Variants in TMED4 observed in about 807,000 individuals in gnomAD.
The protein encoded by TMED4 is transmembrane emp24 domain-containing protein 4.
In TMED4, 19 loss-of-function variants were observed where a neutral mutation model predicts 26.5. That is an observed-to-expected ratio of 0.72 (90% CI 0.50 to 1.05). The LOEUF is 1.05. TMED4 is among the 50% of genes least tolerant of loss of function. The pLI, the probability that TMED4 is intolerant of heterozygous loss-of-function variation, is 0.00. For missense variants in TMED4, 303 were observed against 302.5 expected (o/e 1.00, Z -0.01); for synonymous variants, 121 against 119.8 (o/e 1.01, Z -0.07).
At chr7:44,580,856 A>G (rs1802964059) in intron 4 of TMED4, 2 of 425,686 alleles carry the variant, frequency 4.7e-6, no homozygotes, top group Admixed American at 3.9e-5. Flanking sequence ...CTGAGGCAGG[A>G]GAATCGCTTG....
At chr7:44,579,653 G>A in intron 4 of TMED4, 25 bp from the exon 5 acceptor site, 2 of 1,601,242 alleles carry the variant, frequency 1.2e-6, no homozygotes, top group Non-Finnish European at 1.7e-6. Context: ...ACAGGGTTAA[G>A]TGAGCAGGAG....
At chr7:44,581,958 G>T in intron 1 of TMED4, 89 bp downstream of exon 1, 1 of 1,528,626 alleles carries the variant, frequency 6.5e-7, no homozygotes, top group Non-Finnish European at 8.8e-7. Flanking sequence ...TACTGGGGGA[G>T]CCAGCGACCC....
In TMED4 at chr7:44,582,175, G is replaced by A. The variant is rs1263350521; in HGVS notation, c.32C>T (p.Ala11Val). The A allele has an allele frequency of 3.9e-6, 6 of 1,547,506 alleles. No individual in the cohort carries two copies. The highest frequency in any genetic ancestry group is 1.2e-5 in the South Asian group (1 of 84,032). The change falls in exon 1 of 5, where the codon GCG (alanine) becomes GTG (valine). Residue 11 changes from alanine to valine, a missense_variant. Transcript: ENST00000457408. MAGVGAGPLR[A>V]MGRQALLLLA... ...AAGCAGCAGGGCCTGCCGCCCCATC[G>A]CCCGCAGAGGCCCAGCCCCGACACC...
chr7:44,581,218 C>T lies in TMED4; in HGVS notation c.409G>A (p.Val137Ile), dbSNP rs969305783. 1.2e-6 allele frequency: 2 copies of T among 1,614,012 alleles called. No individual in the cohort carries two copies. The highest frequency in any genetic ancestry group is 1.7e-6 in the Non-Finnish European group (2 of 1,180,040). Residue 137 changes from valine to isoleucine, a missense_variant, in exon 4 of 5, where the codon GTT (valine) becomes ATT (isoleucine). Physicochemically the swap from Val to Ile is conservative, Grantham distance 29. Coordinates refer to ENST00000457408, the MANE Select transcript of TMED4 (RefSeq NM_182547.4). The stretch of plus-strand genomic sequence containing the variant: ...GGGTAGTTGTTGGCATGCTCCCCAA[C>T]CTGGATGTCGAGATGCACCCGCTAC... ...GKLRVHLDIQVGEHANNYPEI... is the reference protein window; with the variant it reads ...GKLRVHLDIQIGEHANNYPEI...
intron 3 of TMED4, 54 bp from the exon 4 acceptor site, chr7:44,581,293 G>C: frequency 1.9e-6 from 3 of 1,607,406 alleles, no homozygotes; most frequent in South Asian, 2.2e-5. Context: ...GTCTGTTCCA[G>C]GGTATGGAAC....
chr7:44,579,724 C>T, intron 4 of TMED4, 96 bp from the exon 5 acceptor site: 1 of 1,358,832 alleles, frequency 7.4e-7, no homozygotes, highest in Non-Finnish European at 1.0e-6. Flanking sequence ...CAGGACCAAA[C>T]TCCTTTTGGA....
chr7:44,581,259 G>C lies in TMED4; in HGVS notation c.388-20C>G, dbSNP rs1387005478. The C allele has an allele frequency of 2.5e-6, 4 of 1,613,636 alleles. No homozygotes were observed. The highest frequency in any genetic ancestry group is 2.5e-6 in the Non-Finnish European group (3 of 1,179,628). On this transcript the variant is annotated intron_variant, in intron 3 of 4. Coordinates refer to ENST00000457408, the MANE Select transcript of TMED4 (RefSeq NM_182547.4). The stretch of plus-strand genomic sequence containing the variant: ...CACCCGCTACAAGGAAACATGGAAT[G>C]TATGAGTGGTGGGGCCTCCAGTTGT...
chr7:44,581,666 T>C, intron 2 of TMED4, 57 bp downstream of exon 2: 6 of 1,613,830 alleles, frequency 3.7e-6, no homozygotes, highest in Non-Finnish European at 4.2e-6. Context: ...AGGCAGTGCT[T>C]TACACCCCAC....
At chr7:44,581,603 C>T in intron 2 of TMED4, 29 bp from the exon 3 acceptor site, 1 of 1,614,132 alleles carries the variant, frequency 6.2e-7, no homozygotes, top group Non-Finnish European at 8.5e-7. Context: ...AAGGCCCCAC[C>T]TTTATACCGC....
chr7:44,579,884 C>T, intron 4 of TMED4: 1 of 338,768 alleles, frequency 3.0e-6, no homozygotes, highest in African/African-American at 2.1e-5. Flanking sequence ...AACAGGTAGG[C>T]AATGGCTATT....
rs1802910527 is a variant in TMED4, at chr7:44,579,403, T to C, written c.*76A>G. ...TCTTTTTCATTTTTTTCCCTAAAAA[T>C]CCAGGTGGATAAAGGACTGTGTGGG... On this transcript the variant is annotated 3_prime_UTR_variant, in exon 5 of 5. Transcript: ENST00000457408. The C allele has an allele frequency of 6.8e-7, 1 of 1,477,184 alleles. No homozygotes were observed. The highest frequency in any genetic ancestry group is 1.4e-5 in the African/African-American group (1 of 71,020). The allele number at this position is 1,477,184 out of a possible 1,614,324, so 91.5% of individuals were successfully genotyped here.
At position 44,578,434 on chromosome 7, in the gene TMED4, C is replaced by G. The variant is rs1400251828; in HGVS notation, c.*1045G>C. 2 of 152,168 alleles carry G rather than the reference C, an allele frequency of 1.3e-5. No individual in the cohort carries two copies. The highest frequency in any genetic ancestry group is 2.9e-5 in the Non-Finnish European group (2 of 68,042). 9.4% of individuals were successfully genotyped at this position (152,168 alleles called of 1,614,324 possible). On this transcript the variant is annotated 3_prime_UTR_variant, in exon 5 of 5. Coordinates refer to ENST00000457408, the MANE Select transcript of TMED4 (RefSeq NM_182547.4). ...GAGGGTAAGAGTGCATTGCCCCATT[C>G]TAGCTCTGTTGCTACCTTACCTCTG... is the stretch of plus-strand genomic sequence containing the variant.
rs1237543812 is a variant in TMED4, at chr7:44,578,228, A to G, written c.*1251T>C. ...GTGAAGTCCACTCCAGGTTATCTGCATAGGTAGCCCAGGCACCTTTCCTCT... is the reference window on the plus strand; with the variant it reads ...GTGAAGTCCACTCCAGGTTATCTGCGTAGGTAGCCCAGGCACCTTTCCTCT... On this transcript the variant is annotated 3_prime_UTR_variant, in exon 5 of 5. Coordinates refer to ENST00000457408, the MANE Select transcript of TMED4 (RefSeq NM_182547.4). 2 of 152,244 alleles carry G rather than the reference A, an allele frequency of 1.3e-5. No homozygotes were observed. The highest frequency in any genetic ancestry group is 2.9e-5 in the Non-Finnish European group (2 of 68,056). The allele number at this position is 152,244 out of a possible 1,614,324, so 9.4% of individuals were successfully genotyped here.
At chr7:44,581,334 G>A (rs1802984404) in intron 3 of TMED4, 95 bp from the exon 4 acceptor site, 2 of 1,598,986 alleles carry the variant, frequency 1.3e-6, no homozygotes, top group African/African-American at 1.3e-5. Context: ...GGAGCAGAAG[G>A]CAACATCTGT....
At position 44,578,577 on chromosome 7, in the gene TMED4, T is replaced by G. The variant is rs1310122755; in HGVS notation, c.*902A>C. 6.6e-6 allele frequency: 1 copy of G among 152,134 alleles called. No homozygotes were observed. Among genetic ancestry groups the G allele is most frequent in the Non-Finnish European group, 1.5e-5 (1 of 68,048 alleles). The allele number at this position is 152,134 out of a possible 1,614,324, so 9.4% of individuals were successfully genotyped here. A position where few individuals can be genotyped will look rare whatever the true frequency, so the allele number is the denominator to read the frequency against. ...TCTGGCCCACAGACCGCTGAAATCC[T>G]AGGAGCTGCCATGGGAGTTACCAAA... is the stretch of plus-strand genomic sequence containing the variant. On this transcript the variant is annotated 3_prime_UTR_variant, in exon 5 of 5. Transcript: ENST00000457408.
At position 44,581,386 on chromosome 7, in the gene TMED4, TA is replaced by T. The variant is rs1443937019; in HGVS notation, c.387+62del. 5 of 1,611,796 alleles carry T rather than the reference TA, an allele frequency of 3.1e-6. No individual in the cohort carries two copies. In the Admixed American group the frequency reaches 8.3e-5, roughly 27 times the overall value. ...GTGCTACAAAGTTTCACAATCTTGA[TA>T]AATCAAAATTTGGAAACAAGTGAGA... is the stretch of plus-strand genomic sequence containing the variant. On this transcript the variant is annotated intron_variant, in intron 3 of 4. Coordinates refer to ENST00000457408, the MANE Select transcript of TMED4 (RefSeq NM_182547.4).
Position 44,579,278 on chromosome 7 carries a change from A to C in TMED4, c.*201T>G. On this transcript the variant is annotated 3_prime_UTR_variant, in exon 5 of 5. Transcript: ENST00000457408. ...CTGATTCCTCACAAGCCCTAAGACA[A>C]GATTTTGAAAGATTGGACTAATGTC... 2.0e-6 allele frequency: 1 copy of C among 493,070 alleles called. No homozygotes were observed. Among genetic ancestry groups the C allele is most frequent in the Non-Finnish European group, 3.6e-6 (1 of 280,862 alleles). 30.5% of individuals were successfully genotyped at this position (493,070 alleles called of 1,614,324 possible).
At chr7:44,581,954 G>C (rs887320063) in intron 1 of TMED4, 93 bp downstream of exon 1, 2 of 1,529,766 alleles carry the variant, frequency 1.3e-6, no homozygotes, top group Admixed American at 2.1e-5. Flanking sequence ...TAGGTACTGG[G>C]GGAGCCAGCG....
chr7:44,581,352 A>G (rs899986096), intron 3 of TMED4, 97 bp downstream of exon 3: 98 of 1,604,622 alleles, frequency 6.1e-5, no homozygotes, highest in Admixed American at 6.0e-4. Flanking sequence ...TGTCTCCCCA[A>G]TTCTGACTGT....
Sources: allele counts gnomAD v4.1 joint callset, GRCh38; gene constraint gnomAD v4.1.1; transcripts MANE v1.5; gene names NCBI Gene and HGNC (gene_info 2026-07-23, HGNC 2026-07-21).